The following RETREG1 variants were observed in gnomAD, a reference collection of about 807,000 sequenced individuals.
RETREG1 encodes family with sequence similarity 134 member B.
Under a neutral mutation model 54.8 loss-of-function variants are expected in RETREG1, and 44 were observed. The observed-to-expected ratio is 0.80, with a 90% CI of 0.63 to 1.03. The LOEUF (loss-of-function observed/expected upper bound fraction) is 1.03. Among genes scored for constraint, RETREG1 ranks in the 50% least tolerant of loss-of-function variants. RETREG1 has a pLI of 0.00. For missense variants in RETREG1, 554 were observed against 605.1 expected (o/e 0.92, Z 0.89); for synonymous variants, 217 against 238.5 (o/e 0.91, Z 0.83).
chr5:16,615,699 A>G (rs1743485323), intron 1 of RETREG1, among the ~76,000 whole-genome samples: 1 of 152,172 alleles, frequency 6.6e-6, no homozygotes, highest in Non-Finnish European at 1.5e-5. Flanking sequence ...TCTGAGGAAA[A>G]TATTCATCTT....
chr5:16,476,673 G>T (rs1738550942), intron 8 of RETREG1, among the ~76,000 whole-genome samples: 1 of 149,778 alleles, frequency 6.7e-6, no homozygotes, highest in East Asian at 2.0e-4. Flanking sequence ...CACACTGCCT[G>T]TTCTCACCTG....
chr5:16,565,980 A>G (rs186397500), intron 2 of RETREG1, among the ~76,000 whole-genome samples, 187 bp from the exon 3 acceptor site: 1 of 152,336 alleles, frequency 6.6e-6, no homozygotes, highest in East Asian at 1.9e-4. Context: ...GTCCACATAT[A>G]CTTATTGAGA....
intron 1 of RETREG1, among the ~76,000 whole-genome samples, chr5:16,573,854 C>T (rs1742258382): frequency 6.7e-6 from 1 of 149,454 alleles, no homozygotes; most frequent in Non-Finnish European, 1.5e-5. Flanking sequence ...AAGCAATTCT[C>T]CTGCCTCAGC....
intron 3 of RETREG1, among the ~76,000 whole-genome samples, chr5:16,543,079 T>C (rs1212756840): frequency 6.6e-6 from 1 of 152,228 alleles, no homozygotes; most frequent in Non-Finnish European, 1.5e-5. Flanking sequence ...ACAAATGGAA[T>C]CATACAGGAT....
At chr5:16,511,566 T>C (rs1740175382) in intron 3 of RETREG1, among the ~76,000 whole-genome samples, 1 of 152,198 alleles carries the variant, frequency 6.6e-6, no homozygotes, top group African/African-American at 2.4e-5. Flanking sequence ...AAATTGCTTG[T>C]TCCAACCATG....
chr5:16,601,396 T>C (rs1424601500), intron 1 of RETREG1, among the ~76,000 whole-genome samples: 9 of 151,366 alleles, frequency 5.9e-5, no homozygotes, highest in Non-Finnish European at 7.4e-5. Flanking sequence ...ATTTTCTTTT[T>C]TTTTTTTTCT....
At chr5:16,552,507 CCAT>C (rs1741572769) in intron 3 of RETREG1, among the ~76,000 whole-genome samples, 1 of 152,156 alleles carries the variant, frequency 6.6e-6, no homozygotes, top group Non-Finnish European at 1.5e-5. Flanking sequence ...ACTCAAAGTA[CCAT>C]TTAGTTCTTA....
intron 3 of RETREG1, among the ~76,000 whole-genome samples, chr5:16,509,719 A>G (rs1740106685): frequency 6.6e-6 from 1 of 152,112 alleles, no homozygotes; most frequent in Non-Finnish European, 1.5e-5. Flanking sequence ...ATGTGTTGCC[A>G]GGTGCTGTGG....
intron 3 of RETREG1, among the ~76,000 whole-genome samples, chr5:16,495,027 C>A (rs1739399373): frequency 6.6e-6 from 1 of 152,100 alleles, no homozygotes; most frequent in Non-Finnish European, 1.5e-5. Context: ...GTCACTTTTA[C>A]TATGTCTTAA....
chr5:16,601,057 G>GT (rs59853541), intron 1 of RETREG1, among the ~76,000 whole-genome samples: 6,205 of 152,250 alleles, frequency 0.041, 425 homozygotes, highest in African/African-American at 0.14. Flanking sequence ...CGTTTGACCA[G>GT]TAAGATCTCC....
intron 3 of RETREG1, among the ~76,000 whole-genome samples, chr5:16,538,243 A>C (rs1741132412): frequency 6.6e-6 from 1 of 152,150 alleles, no homozygotes; most frequent in Non-Finnish European, 1.5e-5. Context: ...TCAGGGGGAA[A>C]AATGAAGAGC....
chr5:16,480,285 G>T (rs1008972202), intron 5 of RETREG1, among the ~76,000 whole-genome samples: 1 of 152,012 alleles, frequency 6.6e-6, no homozygotes, highest in African/African-American at 2.4e-5. Flanking sequence ...ATTATTTTGA[G>T]ATTTATCTTT....
chr5:16,522,716 A>G (rs59273231), intron 3 of RETREG1, among the ~76,000 whole-genome samples: 1 of 152,298 alleles, frequency 6.6e-6, no homozygotes, highest in East Asian at 1.9e-4. Context: ...TTTTGAAATA[A>G]TATTGGGGCC....
chr5:16,515,076 T>A (rs1455870035), intron 3 of RETREG1, among the ~76,000 whole-genome samples: 1 of 151,814 alleles, frequency 6.6e-6, no homozygotes, highest in South Asian at 2.1e-4. Flanking sequence ...CATATGCAAT[T>A]GTCTTTTTCA....
chr5:16,602,948 C>A (rs1467997883), intron 1 of RETREG1, among the ~76,000 whole-genome samples: 1 of 152,030 alleles, frequency 6.6e-6, no homozygotes, highest in Non-Finnish European at 1.5e-5. Flanking sequence ...GAGGAGGTTG[C>A]GGTGAGCCGA....
chr5:16,485,473 A>G (rs537985737), intron 3 of RETREG1, among the ~76,000 whole-genome samples: 2 of 152,296 alleles, frequency 1.3e-5, no homozygotes, highest in African/African-American at 4.8e-5. Context: ...GAGGACAAAA[A>G]AATATTTTTT....
chr5:16,524,036 G>A (rs193191035), intron 3 of RETREG1, among the ~76,000 whole-genome samples: 14 of 152,114 alleles, frequency 9.2e-5, no homozygotes, highest in East Asian at 1.9e-4. Flanking sequence ...ACCCTGCCCC[G>A]CCTTCCATCT....
intron 3 of RETREG1, among the ~76,000 whole-genome samples, chr5:16,539,678 C>A (rs144455228): frequency 6.6e-6 from 1 of 152,254 alleles, no homozygotes; most frequent in Non-Finnish European, 1.5e-5. Context: ...GGTACCGGGG[C>A]CCTGATGTGA....
In RETREG1 at chr5:16,561,116, C is replaced by T. The variant is rs1241044971; in HGVS notation, c.458+4647G>A. On this transcript the variant is annotated intron_variant, in intron 3 of 8. Coordinates refer to ENST00000306320, the MANE Select transcript of RETREG1 (RefSeq NM_001034850.3). This position sits in a 1 kb window ranked among gnomAD's most constrained non-coding sequence, Gnocchi z 4.2. ...AAGAGAAGTGAAGTTGGCAGGACCA[C>T]GAGCTGCAGGGTTGGGACCAGAATG... Among the ~76,000 whole-genome samples the T allele has an allele frequency of 3.9e-5, 6 of 152,138 alleles. No homozygotes were observed. The highest frequency in any genetic ancestry group is 1.2e-4 in the African/African-American group (5 of 41,414).
Sources: gnomAD v4.1 joint callset for allele counts (sites outside exome capture counted in the v4.1 genomes callset) on GRCh38, gnomAD v4.1.1 for gene constraint, Gnocchi (gnomAD v3.1) non-coding constraint, MANE v1.5 for transcripts, NCBI Gene and HGNC (gene_info 2026-07-23, HGNC 2026-07-21) for gene names.